INTS6L: variants seen among roughly 807,000 people sequenced by gnomAD.
The protein encoded by INTS6L is integrator complex subunit 6 like.
In INTS6L, 18 loss-of-function variants were observed where a neutral mutation model predicts 64.7. The ratio of observed to expected loss-of-function variants is 0.28; its 90% CI spans 0.19 to 0.41. The LOEUF (loss-of-function observed/expected upper bound fraction) is 0.41, where lower values mean the gene tolerates loss of function less well. Among genes scored for constraint, INTS6L ranks in the 10% least tolerant of loss-of-function variants. The pLI is 1.00. For missense variants in INTS6L, 533 were observed against 661.0 expected (o/e 0.81, Z 2.12); for synonymous variants, 227 against 235.9 (o/e 0.96, Z 0.34).
At position 135,579,777 on chromosome X, in the gene INTS6L, T is replaced by G. The variant is rs781904471; in HGVS notation, c.2120-11T>G. 2.6e-6 allele frequency: 3 copies of G among 1,169,850 alleles called. No homozygotes were observed. The highest frequency in any genetic ancestry group is 3.4e-6 in the Non-Finnish European group (3 of 873,373). On this transcript the variant is annotated splice_polypyrimidine_tract_variant and intron_variant, in intron 15 of 17. Coordinates refer to ENST00000639893, the MANE Select transcript of INTS6L (RefSeq NM_001351601.3). ...TTACCTCACAGCTCAACCTCTTCAT[T>G]TGGTTTCCAGATGCTACTATCATTC...
chrX:135,550,691 G>C (rs950286293), intron 7 of INTS6L, among the ~76,000 whole-genome samples: 6 of 111,269 alleles, frequency 5.4e-5, no homozygotes, highest in Non-Finnish European at 5.7e-5. Flanking sequence ...CTGCTTTTAG[G>C]CTTCTGCCCT....
At chrX:135,551,527 T>C (rs1471119192) in intron 7 of INTS6L, among the ~76,000 whole-genome samples, 1 of 112,237 alleles carries the variant, frequency 8.9e-6, no homozygotes, top group Admixed American at 9.4e-5. Context: ...TCATCTTGCT[T>C]GTTCATGGCT....
At chrX:135,528,659 A>G (rs782071573) in intron 2 of INTS6L, among the ~76,000 whole-genome samples, 10 of 112,320 alleles carry the variant, frequency 8.9e-5, no homozygotes, top group Admixed American at 3.8e-4. Context: ...TTTTGGATAT[A>G]TTAAGTAAAT....
intron 2 of INTS6L, among the ~76,000 whole-genome samples, chrX:135,525,895 C>G (rs781969264): frequency 8.9e-5 from 10 of 112,188 alleles, no homozygotes; most frequent in Non-Finnish European, 1.7e-4. Context: ...CGAATTGCCT[C>G]TCCCATGATC....
intron 9 of INTS6L, among the ~76,000 whole-genome samples, chrX:135,563,617 A>ATGTG (rs1569512782): frequency 1.9e-3 from 13 of 6,711 alleles, no homozygotes; most frequent in African/African-American, 3.4e-3. Context: ...GTATATATCC[A>ATGTG]TATGTGTGTG....
chrX:135,526,310 T>C (rs1404568672), intron 2 of INTS6L, among the ~76,000 whole-genome samples: 1 of 111,749 alleles, frequency 8.9e-6, no homozygotes, highest in Non-Finnish European at 1.9e-5. Context: ...CTCCATTACA[T>C]TTCCCAATAA....
At chrX:135,561,322 GATTACACTGACTA>G (rs1556522155) in intron 9 of INTS6L, among the ~76,000 whole-genome samples, 2 of 111,696 alleles carry the variant, frequency 1.8e-5, no homozygotes, top group African/African-American at 6.5e-5. Flanking sequence ...AAGTATGATG[GATTACACTGACTA>G]ATTTTCAAAT....
intron 13 of INTS6L, among the ~76,000 whole-genome samples, 179 bp from the exon 14 acceptor site, chrX:135,574,905 G>T (rs899858987): frequency 1.8e-5 from 2 of 112,308 alleles, no homozygotes; most frequent in Admixed American, 9.4e-5. Flanking sequence ...AGTAACGGTA[G>T]ACTAAGTTAT....
intron 2 of INTS6L, among the ~76,000 whole-genome samples, chrX:135,528,302 G>A (rs1265208805): frequency 9.0e-6 from 1 of 111,715 alleles, no homozygotes; most frequent in Non-Finnish European, 1.9e-5. Flanking sequence ...ATGTCACTTA[G>A]CCATAGACCT....
In INTS6L at chrX:135,579,842, C is replaced by T; in HGVS notation, c.2174C>T (p.Thr725Ile). ...GAGAAGATGGAAAATGGTCAGATCA[C>T]ACCTGATGGCTTCCTGTCAAAATCT... ...HEEKMENGQI[T>I]PDGFLSKSAP... The change falls in exon 16 of 18, where the codon ACA (threonine) becomes ATA (isoleucine). Residue 725 changes from threonine (T) to isoleucine (I), a missense_variant. Coordinates refer to ENST00000639893, the MANE Select transcript of INTS6L (RefSeq NM_001351601.3). The T allele has an allele frequency of 8.3e-7, 1 of 1,209,569 alleles. No individual in the cohort carries two copies. The highest frequency in any genetic ancestry group is 1.7e-5 in the African/African-American group (1 of 57,755).
Position 135,549,673 on chromosome X carries a change from T to G in INTS6L, c.774T>G (p.Asn258Lys). The G allele has an allele frequency of 1.7e-6, 2 of 1,211,910 alleles. No individual in the cohort carries two copies. The highest frequency in any genetic ancestry group is 2.2e-6 in the Non-Finnish European group (2 of 895,372). Residue 258 changes from asparagine to lysine, a missense_variant, in exon 7 of 18, where the codon AAT becomes AAG. Asn to Lys is a moderately conservative substitution (Grantham distance 94). Coordinates refer to ENST00000639893, the MANE Select transcript of INTS6L (RefSeq NM_001351601.3). The part of the protein sequence containing the change: ...DGLMDSSRPS[N>K]SFAAQPWHSC... Reference sequence around the variant, plus strand: ...TTATGGATTCATCCAGGCCAAGCAATTCATTTGCTGCTCAGCCATGGCATA... The same window carrying G: ...TTATGGATTCATCCAGGCCAAGCAAGTCATTTGCTGCTCAGCCATGGCATA...
chrX:135,547,578 T>C (rs966750154), intron 6 of INTS6L, among the ~76,000 whole-genome samples: 4 of 112,316 alleles, frequency 3.6e-5, no homozygotes, highest in African/African-American at 9.7e-5. Flanking sequence ...GGAGATTCAC[T>C]ATGGTGTACA....
chrX:135,532,372 C>T (rs2085934889), intron 2 of INTS6L, among the ~76,000 whole-genome samples: 2 of 112,649 alleles, frequency 1.8e-5, no homozygotes, highest in Non-Finnish European at 3.8e-5. Context: ...AACTCCCTTT[C>T]ATAGTGATGC....
chrX:135,546,938 T>G (rs2086372994), intron 5 of INTS6L, 53 bp downstream of exon 5: 3 of 1,166,422 alleles, frequency 2.6e-6, no homozygotes, highest in Non-Finnish European at 3.5e-6. Flanking sequence ...ATAGAGTATA[T>G]TTTTCATTAA....
intron 8 of INTS6L, 58 bp downstream of exon 8, chrX:135,552,204 T>C: frequency 9.5e-7 from 1 of 1,057,005 alleles, no homozygotes; most frequent in African/African-American, 1.9e-5. Context: ...CTGGGAATTG[T>C]TTTAAGAAGC....
chrX:135,577,079 CAT>C, intron 14 of INTS6L, 112 bp from the exon 15 acceptor site: 4 of 688,176 alleles, frequency 5.8e-6, no homozygotes, highest in African/African-American at 4.3e-5. Flanking sequence ...GAAAAAAAGA[CAT>C]ATTCGTGATA....
intron 8 of INTS6L, among the ~76,000 whole-genome samples, chrX:135,554,882 A>ATTT (rs2086600384): frequency 3.6e-4 from 8 of 22,164 alleles, no homozygotes; most frequent in East Asian, 1.7e-3. Flanking sequence ...TACCAGCATA[A>ATTT]CTTTTTTTTT....
intron 9 of INTS6L, among the ~76,000 whole-genome samples, chrX:135,566,272 G>C (rs2086945388): frequency 1.8e-5 from 2 of 112,214 alleles, no homozygotes; most frequent in Non-Finnish European, 3.8e-5. Flanking sequence ...CAGTTAAATT[G>C]TTTAGAACTT....
chrX:135,528,872 C>G (rs1164525785), intron 2 of INTS6L, among the ~76,000 whole-genome samples: 2 of 72,589 alleles, frequency 2.8e-5, no homozygotes, highest in East Asian at 1.1e-3. Flanking sequence ...GAACACCCCC[C>G]CCCCCGACCC....
Sources: gnomAD v4.1 joint callset for allele counts (sites outside exome capture counted in the v4.1 genomes callset) on GRCh38, gnomAD v4.1.1 for gene constraint, MANE v1.5 for transcripts, NCBI Gene and HGNC (gene_info 2026-07-23, HGNC 2026-07-21) for gene names.